Variants in SENP1 observed in about 807,000 individuals in gnomAD.
SENP1 encodes the protein SUMO specific peptidase 1, also known as sentrin-specific protease 1.
A neutral mutation model predicts 93.0 loss-of-function variants in SENP1; 21 were observed. That is an observed-to-expected ratio of 0.23 (90% CI 0.16 to 0.33). The LOEUF is 0.33. Ranked by LOEUF, SENP1 falls within the 10% of genes least tolerant of loss-of-function variation. The probability of loss-of-function intolerance (pLI) is 1.00; values close to 1 mark genes in which losing one functional copy is unlikely to be tolerated. For missense variants in SENP1, 591 were observed against 758.7 expected (o/e 0.78, Z 2.60); for synonymous variants, 256 against 259.6 (o/e 0.99, Z 0.13).
intron 15 of SENP1, among the ~76,000 whole-genome samples, chr12:48,047,355 C>A (rs1941446073): frequency 6.6e-6 from 1 of 152,144 alleles, no homozygotes; most frequent in East Asian, 1.9e-4. Flanking sequence ...AGGAACAATT[C>A]TTTTTATTCT....
chr12:48,081,901 G>A lies in SENP1; in HGVS notation c.552+1690C>T, dbSNP rs116692636. On this transcript the variant is annotated intron_variant, in intron 6 of 17. Coordinates refer to ENST00000549518, the MANE Select transcript of SENP1 (RefSeq NM_001267594.2). ...TTCAATACAAACTTTTTTTGTTGTT[G>A]TTGTTGAGACGGCTTCTCACTCTGT... 3.5e-3 allele frequency among the ~76,000 whole-genome samples: 514 copies of A among 147,830 alleles called. 6 individuals are homozygous for A. The highest frequency in any genetic ancestry group is 0.012 in the African/African-American group (498 of 40,020).
chr12:48,075,153 T>C (rs1592383237), intron 6 of SENP1, among the ~76,000 whole-genome samples: 1 of 151,916 alleles, frequency 6.6e-6, no homozygotes, highest in Admixed American at 6.6e-5. Context: ...AAGGCGAAGG[T>C]TGCAGTGAGC....
rs202162644 is a variant in SENP1 at position 48,057,204 on chromosome 12, ATTAT to A, written c.1407+6502_1407+6505del. 5.5e-4 allele frequency among the ~76,000 whole-genome samples: 68 copies of A among 123,336 alleles called. 2 individuals are homozygous for A. The highest frequency in any genetic ancestry group is 6.9e-4 in the Admixed American group (8 of 11,552). The allele number at this position is 123,336 out of a possible 152,430, so 80.9% of individuals were successfully genotyped here. On this transcript the variant is annotated intron_variant, in intron 13 of 17. Coordinates refer to ENST00000549518, the MANE Select transcript of SENP1 (RefSeq NM_001267594.2). ...TTAATATATTACACATTACATATAT[ATTAT>A]TTATTATATATAAAAAATACATTAT...
chr12:48,097,824 C>CT, intron 3 of SENP1, 170 bp downstream of exon 3: 1 of 575,214 alleles, frequency 1.7e-6, no homozygotes, highest in Non-Finnish European at 2.9e-6. Flanking sequence ...TCTTAACGTC[C>CT]TTGTCTTAAT....
chr12:48,056,661 T>C (rs868552414), intron 13 of SENP1, among the ~76,000 whole-genome samples: 14 of 74,962 alleles, frequency 1.9e-4, no homozygotes, highest in South Asian at 1.1e-3. Flanking sequence ...ATATATTATT[T>C]AATATATTAC....
intron 9 of SENP1, among the ~76,000 whole-genome samples, chr12:48,069,837 T>C (rs1943559309): frequency 6.6e-6 from 1 of 152,036 alleles, no homozygotes; most frequent in Non-Finnish European, 1.5e-5. Flanking sequence ...ACTTAACAAA[T>C]AGAGAATTTT....
intron 4 of SENP1, among the ~76,000 whole-genome samples, chr12:48,091,685 AT>A (rs201184027): frequency 6.6e-6 from 1 of 151,280 alleles, no homozygotes; most frequent in African/African-American, 2.4e-5. Flanking sequence ...AGGGTTAAAC[AT>A]TTTTTTTTCT....
rs201333480 is a variant in SENP1, at chr12:48,098,045, G to C, written c.84C>G (p.Leu28=). 3 of 1,613,778 alleles carry C rather than the reference G, an allele frequency of 1.9e-6. No homozygotes were observed. In the Admixed American group the frequency reaches 5.0e-5, roughly 27 times the overall value. The change falls in exon 3 of 18, where the codon CTC becomes CTG. Residue 28 remains leucine, a synonymous_variant. Transcript: ENST00000549518. ...VNHNSVFKTH[L]LPQTGFPEDQ... The stretch of plus-strand genomic sequence containing the variant: ...CCTCTGGAAAACCTGTTTGTGGCAG[G>C]AGGTGGGTTTTGAATACGGAGTTGT...
At chr12:48,047,862 A>C in intron 15 of SENP1, 139 bp downstream of exon 15, 1 of 614,032 alleles carries the variant, frequency 1.6e-6, no homozygotes. Flanking sequence ...ACTTACTTAG[A>C]TACAAAATAT....
intron 1 of SENP1, among the ~76,000 whole-genome samples, chr12:48,102,448 AAAAAAAC>A (rs1946011604): frequency 1.3e-5 from 2 of 150,444 alleles, no homozygotes; most frequent in Admixed American, 6.6e-5. Flanking sequence ...AAAAAAAAAA[AAAAAAAC>A]CAAACACAAA....
At chr12:48,066,624 G>A (rs1438574043) in intron 10 of SENP1, among the ~76,000 whole-genome samples, 8 of 151,018 alleles carry the variant, frequency 5.3e-5, no homozygotes, top group Non-Finnish European at 7.4e-5. Context: ...CAATCCTCCC[G>A]CCTCAGCCTT....
chr12:48,098,649 A>G (rs1240127628), intron 2 of SENP1, among the ~76,000 whole-genome samples: 1 of 151,370 alleles, frequency 6.6e-6, no homozygotes, highest in Non-Finnish European at 1.5e-5. Flanking sequence ...ATCTCAAAAA[A>G]AAAAAAAAAA....
intron 13 of SENP1, among the ~76,000 whole-genome samples, chr12:48,051,623 CA>C (rs1295408171): frequency 1.3e-5 from 2 of 151,952 alleles, no homozygotes; most frequent in Non-Finnish European, 2.9e-5. Context: ...TAAGAGAGAA[CA>C]AAAAAGTCCT....
rs762438020 is a variant in SENP1 at position 48,045,304 on chromosome 12, T to G, written c.*18A>C. 1 of 1,610,414 alleles carries G rather than the reference T, an allele frequency of 6.2e-7. No homozygotes were observed. The highest frequency in any genetic ancestry group is 2.2e-5 in the East Asian group (1 of 44,830). On this transcript the variant is annotated 3_prime_UTR_variant, in exon 18 of 18. Coordinates refer to ENST00000549518, the MANE Select transcript of SENP1 (RefSeq NM_001267594.2). ...GCTGGTCCCCCACATGGTCAAGGTC[T>G]GCTAAGTGAGACAGTCTTCACAAGA...
chr12:48,088,837 C>T lies in SENP1; in HGVS notation c.344G>A (p.Ser115Asn), dbSNP rs1945052722. 1 of 1,609,058 alleles carries T rather than the reference C, an allele frequency of 6.2e-7. No individual in the cohort carries two copies. Among genetic ancestry groups the T allele is most frequent in the Non-Finnish European group, 8.5e-7 (1 of 1,177,674 alleles). Residue 115 changes from serine to asparagine, a missense_variant, in exon 5 of 18, where the codon AGC becomes AAC. By Grantham distance (46) the Ser-to-Asn change is conservative (BLOSUM62 1). Transcript: ENST00000549518. The part of the protein sequence containing the change: ...SSSSLQKSRN[S>N]RSLYLETRKT... ...TCGGGTTTCGAGGTAAAGACTTCGG[C>T]TGTTTCTTGATTTTTGTAAAGATGA... is the stretch of plus-strand genomic sequence containing the variant.
In SENP1 at chr12:48,074,549, T is replaced by G. The variant is rs1400782641; in HGVS notation, c.715A>C (p.Asn239His). ...TLKDSLFKNG[N>H]SCASQIIGSD... ...CCAATGATCTGAGATGCACAAGAGTTTCCATTTTTAAACAGTGAGTCTTTC... is the reference window on the plus strand; with the variant it reads ...CCAATGATCTGAGATGCACAAGAGTGTCCATTTTTAAACAGTGAGTCTTTC... Residue 239 changes from asparagine (N) to histidine (H), a missense_variant, in exon 8 of 18, where the codon AAC becomes CAC. Around this residue, in one of 4 missense-constraint regions of SENP1, gnomAD observed 238 missense variants for 259.1 expected, o/e 0.92. Transcript: ENST00000549518. The G allele has an allele frequency of 6.2e-7, 1 of 1,613,780 alleles. No homozygotes were observed. Among genetic ancestry groups the G allele is most frequent in the East Asian group, 2.2e-5 (1 of 44,860 alleles).
At position 48,074,419 on chromosome 12, in the gene SENP1, C is replaced by A. The variant is rs1442988432; in HGVS notation, c.845G>T (p.Gly282Val). The change falls in exon 8 of 18, where the codon GGA becomes GTA. Residue 282 changes from glycine to valine, a missense_variant. Gly to Val is a moderately radical substitution (Grantham distance 109). This residue lies in a region of SENP1 where 238 missense variants were observed against 259.1 expected (regional missense o/e 0.92). Coordinates refer to ENST00000549518, the MANE Select transcript of SENP1 (RefSeq NM_001267594.2). ...ATGAAGAGTACCAGAATCTTTGGAT[C>A]CAAATGCAACATCTGGGGTATAAGA... is the stretch of plus-strand genomic sequence containing the variant. ...LSSYTPDVAF[G>V]SKDSGTLHHP... is the part of the protein sequence containing the mutation. 6.2e-7 allele frequency: 1 copy of A among 1,613,728 alleles called. No individual in the cohort carries two copies. Among genetic ancestry groups the A allele is most frequent in the East Asian group, 2.2e-5 (1 of 44,858 alleles).
intron 6 of SENP1, 71 bp from the exon 7 acceptor site, chr12:48,074,864 T>C: frequency 9.7e-7 from 1 of 1,026,958 alleles, no homozygotes. Context: ...AACTAGCATG[T>C]AAACAGAATC....
At chr12:48,046,668 C>T (rs182162440) in intron 16 of SENP1, among the ~76,000 whole-genome samples, 2 of 152,158 alleles carry the variant, frequency 1.3e-5, no homozygotes, top group East Asian at 1.9e-4. Context: ...AGAATATCTC[C>T]GACTCCCATG....
Sources: gnomAD v4.1 joint callset for allele counts (sites outside exome capture counted in the v4.1 genomes callset) on GRCh38, gnomAD v4.1.1 for gene constraint, gnomAD v4.1.1 regional missense constraint, MANE v1.5 for transcripts, NCBI Gene and HGNC (gene_info 2026-07-23, HGNC 2026-07-21) for gene names.